Variants in AGBL4 observed in about 807,000 individuals in gnomAD.
The protein encoded by AGBL4 is cytosolic carboxypeptidase 6.
Under a neutral mutation model 66.4 loss-of-function variants are expected in AGBL4, and 58 were observed. That is an observed-to-expected ratio of 0.87 (90% CI 0.71 to 1.09). The LOEUF (loss-of-function observed/expected upper bound fraction) is 1.09. Among genes scored for constraint, AGBL4 ranks in the 50% least tolerant of loss-of-function variants. The pLI is 0.00. For missense variants in AGBL4, 579 were observed against 631.0 expected, an observed-to-expected ratio of 0.92 and a Z score of 0.88; for synonymous variants, 234 against 222.9, an observed-to-expected ratio of 1.05 and a Z score of -0.44.
chr1:49,719,791 C>T (rs1186642483), intron 2 of AGBL4, among the ~76,000 whole-genome samples: 1 of 152,052 alleles, frequency 6.6e-6, no homozygotes, highest in Non-Finnish European at 1.5e-5. Context: ...TGTTTATCCT[C>T]ATGCTATTCT....
At chr1:48,911,434 G>A (rs1222083692) in intron 5 of AGBL4, among the ~76,000 whole-genome samples, 2 of 151,874 alleles carry the variant, frequency 1.3e-5, no homozygotes, top group African/African-American at 4.8e-5. Flanking sequence ...TGGCTAACAC[G>A]GTGAAACCCC....
At chr1:48,782,520 G>C (rs1174212049) in intron 6 of AGBL4, among the ~76,000 whole-genome samples, 1 of 152,180 alleles carries the variant, frequency 6.6e-6, no homozygotes, top group African/African-American at 2.4e-5. Flanking sequence ...CTCTGCTAAT[G>C]ATTGACCACA....
chr1:49,157,480 A>G (rs1160043124), intron 4 of AGBL4, among the ~76,000 whole-genome samples: 1 of 152,118 alleles, frequency 6.6e-6, no homozygotes, highest in Admixed American at 6.6e-5. Context: ...CCAGTCTATC[A>G]TTGATGGGCA....
intron 10 of AGBL4, among the ~76,000 whole-genome samples, chr1:48,589,141 C>T (rs1016854895): frequency 1.3e-5 from 2 of 152,130 alleles, no homozygotes; most frequent in African/African-American, 4.8e-5. Flanking sequence ...AAAGGTATGG[C>T]TGTTTCTGCC....
At chr1:49,464,700 C>A (rs1340440487) in intron 3 of AGBL4, among the ~76,000 whole-genome samples, 2 of 151,550 alleles carry the variant, frequency 1.3e-5, no homozygotes, top group East Asian at 3.9e-4. Flanking sequence ...AACACAGGCA[C>A]ATATCAGCAG....
intron 2 of AGBL4, among the ~76,000 whole-genome samples, chr1:49,707,002 G>A (rs1223585500): frequency 9.9e-5 from 15 of 152,202 alleles, no homozygotes; most frequent in Admixed American, 9.2e-4. Flanking sequence ...ATGTGGTGCT[G>A]AGAAGAATGT....
intron 8 of AGBL4, among the ~76,000 whole-genome samples, chr1:48,643,123 T>C (rs1413257106): frequency 6.6e-6 from 1 of 152,206 alleles, no homozygotes; most frequent in Non-Finnish European, 1.5e-5. Context: ...GCTGTTCTTG[T>C]GGTTTGCTCT....
chr1:48,641,854 G>C (rs1645760900), intron 8 of AGBL4, among the ~76,000 whole-genome samples: 1 of 152,140 alleles, frequency 6.6e-6, no homozygotes, highest in Non-Finnish European at 1.5e-5. Context: ...TCAGGTAAGA[G>C]CCTAATAGAG....
At chr1:48,817,158 C>T (rs543390527) in intron 6 of AGBL4, among the ~76,000 whole-genome samples, 4 of 152,218 alleles carry the variant, frequency 2.6e-5, no homozygotes, top group South Asian at 2.1e-4. Flanking sequence ...CAGAGATGAG[C>T]GCCCACCCCT....
chr1:48,612,234 G>A (rs904585475), intron 9 of AGBL4, among the ~76,000 whole-genome samples: 3 of 152,212 alleles, frequency 2.0e-5, no homozygotes, highest in African/African-American at 4.8e-5. Context: ...CAGATCTTAC[G>A]CTAGGTGCTG....
chr1:49,835,040 T>C (rs1645809419), intron 2 of AGBL4, among the ~76,000 whole-genome samples: 2 of 152,228 alleles, frequency 1.3e-5, no homozygotes, highest in South Asian at 2.1e-4. Context: ...GAGAAGAATG[T>C]ATATTCTATT....
chr1:49,033,280 G>A (rs1020143979), intron 5 of AGBL4, among the ~76,000 whole-genome samples: 1 of 152,076 alleles, frequency 6.6e-6, no homozygotes, highest in Admixed American at 6.6e-5. Context: ...GACATGGTTT[G>A]GTGCAGATGG....
Position 49,252,374 on chromosome 1 carries a change from G to A in AGBL4, c.283-6510C>T, listed in dbSNP as rs188262314. On this transcript the variant is annotated intron_variant, in intron 3 of 13. Coordinates refer to ENST00000371839, the MANE Select transcript of AGBL4 (RefSeq NM_032785.4). ...AAGAATAGAGAAAAAAGAATGAAAA[G>A]GAATAAACAAAACCTCCAAGAGACA... Among the ~76,000 whole-genome samples the A allele has an allele frequency of 2.7e-3, 410 of 152,008 alleles. 3 individuals are homozygous for A. Among genetic ancestry groups the A allele is most frequent in the African/African-American group, 9.4e-3 (391 of 41,468 alleles).
chr1:48,677,344 C>T (rs1240090385), intron 6 of AGBL4, among the ~76,000 whole-genome samples: 2 of 152,170 alleles, frequency 1.3e-5, no homozygotes, highest in African/African-American at 4.8e-5. Context: ...AGGAGAAAGA[C>T]ATTTTTCAAA....
At chr1:48,899,637 T>C (rs1015775942) in intron 5 of AGBL4, among the ~76,000 whole-genome samples, 2 of 152,204 alleles carry the variant, frequency 1.3e-5, no homozygotes, top group Non-Finnish European at 2.9e-5. Flanking sequence ...TTTCCTGTTC[T>C]TCTTATGCAT....
At chr1:48,549,918 G>T (rs559082752) in intron 11 of AGBL4, among the ~76,000 whole-genome samples, 3 of 152,298 alleles carry the variant, frequency 2.0e-5, no homozygotes, top group Admixed American at 2.0e-4. Flanking sequence ...AGATGCATAA[G>T]ACTGAAATAG....
chr1:48,777,789 G>C (rs140806092), intron 6 of AGBL4, among the ~76,000 whole-genome samples: 30 of 152,296 alleles, frequency 2.0e-4, no homozygotes, highest in Middle Eastern at 3.4e-3. Flanking sequence ...ATCGCGGAGG[G>C]AGTTGAGGAG....
intron 4 of AGBL4, among the ~76,000 whole-genome samples, chr1:49,079,740 T>C (rs1644775191): frequency 6.6e-6 from 1 of 152,250 alleles, no homozygotes; most frequent in South Asian, 2.1e-4. Context: ...TGGAATTGAG[T>C]CTTGAACTAT....
intron 3 of AGBL4, among the ~76,000 whole-genome samples, chr1:49,437,932 C>T (rs898475108): frequency 6.6e-6 from 1 of 152,148 alleles, no homozygotes; most frequent in African/African-American, 2.4e-5. Flanking sequence ...TCCCATCCCC[C>T]ATTTCTAAGA....
Sources: gnomAD v4.1 joint callset for allele counts (sites outside exome capture counted in the v4.1 genomes callset) on GRCh38, gnomAD v4.1.1 for gene constraint, MANE v1.5 for transcripts, NCBI Gene and HGNC (gene_info 2026-07-23, HGNC 2026-07-21) for gene names.